Variants in DGKH observed in about 807,000 individuals in gnomAD.
The protein encoded by DGKH is DAG kinase eta.
Under a neutral mutation model 159.3 loss-of-function variants are expected in DGKH, and 90 were observed. The ratio of observed to expected loss-of-function variants is 0.57; its 90% confidence interval spans 0.48 to 0.67. The LOEUF (loss-of-function observed/expected upper bound fraction) is 0.67, where lower values mean the gene tolerates loss of function less well. Among genes scored for constraint, DGKH ranks in the 30% least tolerant of loss-of-function variants. DGKH has a pLI of 0.00. For synonymous variants in DGKH, 536 were observed against 553.8 expected (o/e 0.97, Z 0.45); for missense variants, 1,181 against 1,506.1 (o/e 0.78, Z 3.57).
intron 1 of DGKH, among the ~76,000 whole-genome samples, chr13:42,040,986 C>T (rs1234961998): frequency 1.3e-5 from 2 of 151,364 alleles, no homozygotes; most frequent in African/African-American, 4.8e-5. Flanking sequence ...TTCTCCTTTG[C>T]TCCCCCCGCC....
chr13:42,095,156 CTTTT>C (rs776422302), intron 1 of DGKH, among the ~76,000 whole-genome samples: 8 of 76,808 alleles, frequency 1.0e-4, no homozygotes, highest in East Asian at 3.6e-4. Context: ...ATGTTGACTC[CTTTT>C]TTTTTTTTTT....
intron 1 of DGKH, among the ~76,000 whole-genome samples, chr13:42,074,923 C>T (rs1036213126): frequency 3.9e-5 from 6 of 152,050 alleles, no homozygotes; most frequent in South Asian, 2.1e-4. Flanking sequence ...ATAAGGGTTA[C>T]GTGGGGCTTT....
At chr13:42,059,646 A>G (rs1882000432) in intron 1 of DGKH, among the ~76,000 whole-genome samples, 1 of 152,146 alleles carries the variant, frequency 6.6e-6, no homozygotes, top group African/African-American at 2.4e-5. Flanking sequence ...AGGTGCTTCT[A>G]TGGCCTGTTC....
intron 7 of DGKH, among the ~76,000 whole-genome samples, chr13:42,163,309 G>A (rs1956237018): frequency 6.6e-6 from 1 of 152,090 alleles, no homozygotes; most frequent in Admixed American, 6.5e-5. Context: ...TGTGAATAGT[G>A]CCGCAATAAA....
chr13:42,111,120 G>T (rs1018303133), intron 1 of DGKH, among the ~76,000 whole-genome samples: 1 of 152,112 alleles, frequency 6.6e-6, no homozygotes, highest in African/African-American at 2.4e-5. Context: ...TATAAAAAAA[G>T]GAGAGACAGC....
chr13:42,102,652 C>T (rs539644938), intron 1 of DGKH, among the ~76,000 whole-genome samples: 1 of 152,304 alleles, frequency 6.6e-6, no homozygotes, highest in Non-Finnish European at 1.5e-5. Context: ...CCTGCTCTGC[C>T]TGGAATAGCC....
chr13:42,092,816 T>C (rs1484037151), intron 1 of DGKH, among the ~76,000 whole-genome samples: 1 of 152,184 alleles, frequency 6.6e-6, no homozygotes, highest in Non-Finnish European at 1.5e-5. Context: ...CCTGATTTTA[T>C]CATTACACAT....
chr13:42,099,178 G>C (rs756374562), intron 1 of DGKH, among the ~76,000 whole-genome samples: 1 of 152,100 alleles, frequency 6.6e-6, no homozygotes, highest in African/African-American at 2.4e-5. Context: ...GTTCACTGGC[G>C]CTTTCCGGCT....
Position 42,210,672 on chromosome 13 carries a change from C to T in DGKH, c.2921C>T (p.Thr974Ile). ...KCDSGKPVLR[T>I]HLYIHHAIDL... Reference sequence around the variant, plus strand: ...GATTCTGGTAAACCAGTTCTCCGAACCCATTTGTACATCCATCACGCCATT... The same window carrying T: ...GATTCTGGTAAACCAGTTCTCCGAATCCATTTGTACATCCATCACGCCATT... The change falls in exon 24 of 30, where the codon ACC becomes ATC. Residue 974 changes from threonine (T) to isoleucine (I), a missense_variant. By Grantham distance (89) the Thr-to-Ile change is moderately conservative. Transcript: ENST00000337343. 1 of 1,612,084 alleles carries T rather than the reference C, an allele frequency of 6.2e-7. No individual in the cohort carries two copies. The highest frequency in any genetic ancestry group is 1.3e-5 in the African/African-American group (1 of 74,934).
At chr13:42,142,861 C>T (rs1287712170) in intron 3 of DGKH, among the ~76,000 whole-genome samples, 1 of 152,194 alleles carries the variant, frequency 6.6e-6, no homozygotes, top group Non-Finnish European at 1.5e-5. Flanking sequence ...ATTTGACTTC[C>T]TGTTTTCCTA....
intron 1 of DGKH, among the ~76,000 whole-genome samples, chr13:42,041,829 C>T (rs962563048): frequency 6.6e-6 from 1 of 152,172 alleles, no homozygotes; most frequent in African/African-American, 2.4e-5. Context: ...AAGCCCCGTC[C>T]GAAATTTCTG....
At chr13:42,185,275 A>G (rs2138089529) in intron 13 of DGKH, among the ~76,000 whole-genome samples, 1 of 152,350 alleles carries the variant, frequency 6.6e-6, no homozygotes, top group East Asian at 1.9e-4. Flanking sequence ...GAGCAATAAG[A>G]TAGAGCATGT....
intron 20 of DGKH, among the ~76,000 whole-genome samples, chr13:42,200,914 A>C (rs1665571328): frequency 6.6e-6 from 1 of 152,328 alleles, no homozygotes; most frequent in South Asian, 2.1e-4. Flanking sequence ...TACCCAGGTC[A>C]GCTTAGGTGC....
intron 13 of DGKH, among the ~76,000 whole-genome samples, chr13:42,181,213 C>G (rs2023907011): frequency 7.1e-6 from 1 of 139,884 alleles, no homozygotes; most frequent in African/African-American, 2.6e-5. Context: ...GGAGGCGGAG[C>G]TTGCAGTGAG....
At chr13:42,090,593 C>CACATATGGGTTAATTAGACCACATTAG (rs1185423900) in intron 1 of DGKH, among the ~76,000 whole-genome samples, 1 of 152,144 alleles carries the variant, frequency 6.6e-6, no homozygotes, top group Non-Finnish European at 1.5e-5. Flanking sequence ...TCAACCCATA[C>CACATATGGGTTAATTAGACCACATTAG]ACATATGGTC....
At chr13:42,095,156 CTTTTT>C (rs776422302) in intron 1 of DGKH, among the ~76,000 whole-genome samples, 16 of 76,812 alleles carry the variant, frequency 2.1e-4, no homozygotes, top group African/African-American at 6.0e-4. Context: ...ATGTTGACTC[CTTTTT>C]TTTTTTTTTT....
chr13:42,204,109 C>T (rs566444152), intron 20 of DGKH, among the ~76,000 whole-genome samples: 1 of 152,152 alleles, frequency 6.6e-6, no homozygotes, highest in African/African-American at 2.4e-5. Flanking sequence ...TTTTCCATAC[C>T]ATGTTTGCAA....
intron 29 of DGKH, among the ~76,000 whole-genome samples, chr13:42,228,375 T>C (rs1958189506): frequency 6.6e-6 from 1 of 152,188 alleles, no homozygotes; most frequent in Non-Finnish European, 1.5e-5. Context: ...CATTACAAAG[T>C]ATAAAGACTA....
At chr13:42,223,911 C>G (rs888791611) in intron 29 of DGKH, among the ~76,000 whole-genome samples, 2 of 152,236 alleles carry the variant, frequency 1.3e-5, no homozygotes, top group African/African-American at 2.4e-5. Flanking sequence ...TCCCTTACCC[C>G]TCCAAGTCTC....
Sources: allele counts gnomAD v4.1 joint callset (sites outside exome capture counted in the v4.1 genomes callset), GRCh38; gene constraint gnomAD v4.1.1; transcripts MANE v1.5; gene names NCBI Gene and HGNC (gene_info 2026-07-23, HGNC 2026-07-21).